The following ARSG variants were observed in gnomAD, a reference collection of about 807,000 sequenced individuals.
The protein encoded by ARSG is ASG.
ARSG carries 37 observed loss-of-function variants against 50.5 expected under a neutral mutation model. The observed-to-expected ratio is 0.73, with a 90% CI of 0.56 to 0.96. ARSG has a LOEUF of 0.96. ARSG is among the 50% of genes least tolerant of loss of function. ARSG has a pLI of 0.00. For synonymous variants in ARSG, 225 were observed against 254.6 expected (o/e 0.88, Z 1.11); for missense variants, 629 against 675.3 (o/e 0.93, Z 0.76).
intron 1 of ARSG, among the ~76,000 whole-genome samples, chr17:68,286,264 T>A (rs534144365): frequency 3.1e-4 from 47 of 152,202 alleles, no homozygotes; most frequent in Non-Finnish European, 6.2e-4. Flanking sequence ...TGTTTACACT[T>A]GCAAAAGGGA....
At chr17:68,374,170 A>AAAAAAG (rs1555785499) in intron 8 of ARSG, among the ~76,000 whole-genome samples, 8 of 144,288 alleles carry the variant, frequency 5.5e-5, no homozygotes, top group South Asian at 2.1e-4. Flanking sequence ...AAAAAAAAAA[A>AAAAAAG]AAAAAGAAAC....
intron 2 of ARSG, among the ~76,000 whole-genome samples, chr17:68,323,804 A>G (rs1469852042): frequency 6.6e-6 from 1 of 152,198 alleles, no homozygotes; most frequent in Admixed American, 6.5e-5. Context: ...TGGGTGCTGT[A>G]GCTCATGCCT....
intron 1 of ARSG, among the ~76,000 whole-genome samples, chr17:68,305,159 A>G (rs1419553772): frequency 1.3e-5 from 2 of 152,060 alleles, no homozygotes; most frequent in Non-Finnish European, 2.9e-5. Context: ...CATAAATAAA[A>G]TAAACTTGCA....
chr17:68,345,746 C>T (rs931619958), intron 3 of ARSG, among the ~76,000 whole-genome samples: 3 of 152,162 alleles, frequency 2.0e-5, no homozygotes, highest in African/African-American at 4.8e-5. Context: ...TTCTATGTTT[C>T]CATGTCATAT....
chr17:68,421,743 G>GA (rs773764488), downstream of ARSG: 134 of 1,614,082 alleles, frequency 8.3e-5, 9 homozygotes, highest in South Asian at 1.1e-3. Flanking sequence ...TGATAGGGGG[G>GA]ATGTCCTGAT....
chr17:68,333,609 C>T (rs1003348541), intron 2 of ARSG, among the ~76,000 whole-genome samples: 3 of 150,424 alleles, frequency 2.0e-5, no homozygotes, highest in Admixed American at 6.6e-5. Flanking sequence ...GCCTGGGCAA[C>T]AAGGGCAAAA....
At chr17:68,426,247 A>AGGGGGGGGGGG, downstream of ARSG, 2 of 655,806 alleles carry the variant, frequency 3.0e-6, no homozygotes, top group African/African-American at 2.1e-5. Context: ...GCGGGTGGGG[A>AGGGGGGGGGGG]GCGGGGGCTC....
chr17:68,373,463 A>C (rs2146806812), intron 8 of ARSG, among the ~76,000 whole-genome samples: 1 of 152,144 alleles, frequency 6.6e-6, no homozygotes. Flanking sequence ...TCCTGACCTC[A>C]GGTGATCCAC....
intron 2 of ARSG, among the ~76,000 whole-genome samples, chr17:68,326,437 T>C (rs1384348345): frequency 6.6e-6 from 1 of 152,090 alleles, no homozygotes; most frequent in African/African-American, 2.4e-5. Flanking sequence ...GAGGCCCAGG[T>C]GGATGGATCT....
chr17:68,302,662 T>G (rs964956465), intron 1 of ARSG, among the ~76,000 whole-genome samples: 1 of 152,158 alleles, frequency 6.6e-6, no homozygotes, highest in African/African-American at 2.4e-5. Flanking sequence ...AGGTCAAACT[T>G]GAGCACACTT....
At chr17:68,313,988 C>G (rs1555767653) in intron 2 of ARSG, among the ~76,000 whole-genome samples, 2 of 151,892 alleles carry the variant, frequency 1.3e-5, no homozygotes, top group Non-Finnish European at 2.9e-5. Context: ...CTACATATCT[C>G]TTTTTACTCC....
chr17:68,444,362 C>T, the ARSG span: 1 of 772,230 alleles, frequency 1.3e-6, no homozygotes, highest in Non-Finnish European at 2.2e-6. Context: ...GACAAAGCTT[C>T]GAGATAAACC....
In ARSG at chr17:68,326,679, CAAAA is replaced by C. The variant is rs532037905; in HGVS notation, c.219-16921_219-16918del. On this transcript the variant is annotated intron_variant, in intron 2 of 11. Transcript: ENST00000621439. ...AAACTCCGTCTAAAAAACAAACAAA[CAAAA>C]AAAGCAGAAAGTAAAAGCAACTCAC... is the stretch of plus-strand genomic sequence containing the variant. Among the ~76,000 whole-genome samples, 18 of 151,756 alleles carry C rather than the reference CAAAA, an allele frequency of 1.2e-4. No individual in the cohort carries two copies. The East Asian group carries it at 3.5e-3, about 29-fold the overall frequency.
intron 8 of ARSG, among the ~76,000 whole-genome samples, chr17:68,375,028 T>C (rs773205957): frequency 6.6e-6 from 1 of 152,212 alleles, no homozygotes; most frequent in Non-Finnish European, 1.5e-5. Context: ...TGCTTAGTGC[T>C]GGTGCCACAA....
upstream of ARSG, among the ~76,000 whole-genome samples, chr17:68,287,853 C>G (rs534040983): frequency 1.3e-5 from 2 of 151,938 alleles, 1 homozygote; most frequent in South Asian, 4.2e-4. Flanking sequence ...CTTAAAAAAC[C>G]GAGTCATAAG....
chr17:68,411,047 A>G (rs951699477), intron 11 of ARSG, among the ~76,000 whole-genome samples: 9 of 151,474 alleles, frequency 5.9e-5, no homozygotes, highest in Admixed American at 3.9e-4. Flanking sequence ...GCGGTCTATC[A>G]ATTTTGTTGA....
intron 11 of ARSG, among the ~76,000 whole-genome samples, chr17:68,411,896 A>G (rs1458613936): frequency 6.6e-6 from 1 of 150,892 alleles, no homozygotes; most frequent in Non-Finnish European, 1.5e-5. Flanking sequence ...GTCTCTTTTG[A>G]TCTTTGTTGG....
At chr17:68,371,852 T>C (rs1422605261) in intron 8 of ARSG, among the ~76,000 whole-genome samples, 1 of 152,190 alleles carries the variant, frequency 6.6e-6, no homozygotes, top group Non-Finnish European at 1.5e-5. Context: ...ACATGAAATA[T>C]TTTTAAATGA....
chr17:68,303,322 C>T (rs1023352677), intron 1 of ARSG, among the ~76,000 whole-genome samples: 16 of 152,194 alleles, frequency 1.1e-4, no homozygotes, highest in East Asian at 7.7e-4. Context: ...GATCAGGTCT[C>T]GCCATCTTGC....
Sources: allele counts gnomAD v4.1 joint callset (sites outside exome capture counted in the v4.1 genomes callset), GRCh38; gene constraint gnomAD v4.1.1; transcripts MANE v1.5; gene names NCBI Gene and HGNC (gene_info 2026-07-23, HGNC 2026-07-21).